The following OTOP1 variants were observed in gnomAD, a reference collection of about 807,000 sequenced individuals.
OTOP1 encodes otopetrin 1, also known as proton channel OTOP1.
Under a neutral mutation model 52.9 loss-of-function variants are expected in OTOP1, and 59 were observed. The ratio of observed to expected loss-of-function variants is 1.12; its 90% CI spans 0.91 to 1.39. The LOEUF (loss-of-function observed/expected upper bound fraction) is 1.39, where lower values mean the gene tolerates loss of function less well. OTOP1 is among the 40% of genes most tolerant of loss of function. The probability of loss-of-function intolerance (pLI) is 0.00; values close to 1 mark genes in which losing one functional copy is unlikely to be tolerated. For missense variants in OTOP1, 761 were observed against 800.9 expected, an observed-to-expected ratio of 0.95 and a Z score of 0.60; for synonymous variants, 317 against 337.7, an observed-to-expected ratio of 0.94 and a Z score of 0.67.
intron 4 of OTOP1, among the ~76,000 whole-genome samples, chr4:4,200,739 T>TTTTC (rs1716765128): frequency 1.3e-5 from 2 of 149,404 alleles, no homozygotes; most frequent in African/African-American, 2.5e-5. Flanking sequence ...TTTTTTTTTT[T>TTTTC]CAGAGCTGGG....
chr4:4,197,056 T>A, intron 5 of OTOP1, 110 bp downstream of exon 5: 1 of 1,188,410 alleles, frequency 8.4e-7, no homozygotes, highest in Non-Finnish European at 1.2e-6. Flanking sequence ...GCACCAAACC[T>A]CAGCAACACG....
chr4:4,193,726 T>C (rs1164884961), intron 5 of OTOP1, among the ~76,000 whole-genome samples: 1 of 152,202 alleles, frequency 6.6e-6, no homozygotes, highest in African/African-American at 2.4e-5. Flanking sequence ...GACTGGGCCC[T>C]GGGTCTGGCT....
At chr4:4,201,171 G>T (rs1447767626) in intron 4 of OTOP1, among the ~76,000 whole-genome samples, 1 of 152,158 alleles carries the variant, frequency 6.6e-6, no homozygotes, top group Admixed American at 6.6e-5. Context: ...GCTCATGCCT[G>T]TAATCCCAAC....
chr4:4,220,715 T>C (rs1283879558), intron 1 of OTOP1, among the ~76,000 whole-genome samples: 3 of 152,176 alleles, frequency 2.0e-5, no homozygotes, highest in Admixed American at 2.0e-4. Context: ...TTAGAACCAA[T>C]TAGAAAGTTT....
chr4:4,192,544 G>GA (rs1716535465), intron 5 of OTOP1, among the ~76,000 whole-genome samples: 1 of 152,168 alleles, frequency 6.6e-6, no homozygotes, highest in Non-Finnish European at 1.5e-5. Flanking sequence ...CATCCATTTG[G>GA]ATGCCACAGA....
At chr4:4,207,233 A>G (rs1716924599) in intron 2 of OTOP1, among the ~76,000 whole-genome samples, 1 of 152,232 alleles carries the variant, frequency 6.6e-6, no homozygotes, top group African/African-American at 2.4e-5. Context: ...TAAAGCATTC[A>G]GCCCAATAAT....
rs1199253150 is a variant in OTOP1 at position 4,219,422 on chromosome 4, C to CCGGGCG, written c.404-6424_404-6419dup. On this transcript the variant is annotated intron_variant, in intron 1 of 5. Coordinates refer to ENST00000296358, the MANE Select transcript of OTOP1 (RefSeq NM_177998.3). ...GCTACATATGATAAAAGACAGATTG[C>CCGGGCG]CGGGCGCGGTGGCTCACGCCTGTAA... is the stretch of plus-strand genomic sequence containing the variant. 3.9e-5 allele frequency among the ~76,000 whole-genome samples: 6 copies of CCGGGCG among 152,228 alleles called. No homozygotes were observed. The East Asian group carries it at 9.7e-4, about 24-fold the overall frequency.
rs562491543 is a variant in OTOP1, at chr4:4,210,725, G to A, written c.540+2143C>T. On this transcript the variant is annotated intron_variant, in intron 2 of 5. Transcript: ENST00000296358. Reference sequence around the variant, plus strand: ...AGGTGTCTGTCATCGGAGCTACTTGGGAGACTGAGGCAGGAGAATTGCTTC... The same window carrying A: ...AGGTGTCTGTCATCGGAGCTACTTGAGAGACTGAGGCAGGAGAATTGCTTC... Among the ~76,000 whole-genome samples, 9 of 152,246 alleles carry A rather than the reference G, an allele frequency of 5.9e-5. No individual in the cohort carries two copies. The South Asian group carries it at 1.9e-3, about 32-fold the overall frequency.
intron 5 of OTOP1, among the ~76,000 whole-genome samples, chr4:4,196,539 A>G (rs1271561560): frequency 1.3e-5 from 2 of 152,266 alleles, no homozygotes; most frequent in Middle Eastern, 3.4e-3. Context: ...CCTAGGCAAC[A>G]AGAGTGAAAC....
intron 3 of OTOP1, 62 bp from the exon 4 acceptor site, chr4:4,202,640 G>A: frequency 1.3e-6 from 2 of 1,591,602 alleles, no homozygotes; most frequent in Non-Finnish European, 1.7e-6. Context: ...ACCATGGGGT[G>A]AGACAGACGT....
intron 3 of OTOP1, among the ~76,000 whole-genome samples, chr4:4,203,444 T>TGCAGAGTC (rs1716833307): frequency 6.6e-6 from 1 of 152,208 alleles, no homozygotes; most frequent in Non-Finnish European, 1.5e-5. Context: ...CATGGGGGTT[T>TGCAGAGTC]GCAGAGTCGG....
intron 4 of OTOP1, among the ~76,000 whole-genome samples, chr4:4,200,777 C>G (rs1716766095): frequency 7.0e-6 from 1 of 143,532 alleles, no homozygotes; most frequent in African/African-American, 2.6e-5. Flanking sequence ...AGGCTGGTCT[C>G]AAATTCCTAG....
chr4:4,204,060 C>T lies in OTOP1; in HGVS notation c.600-1482G>A, dbSNP rs181968984. Among the ~76,000 whole-genome samples, 302 of 152,286 alleles carry T rather than the reference C, an allele frequency of 2.0e-3. 1 individual carries two copies. Among genetic ancestry groups the T allele is most frequent in the African/African-American group, 6.7e-3 (278 of 41,548 alleles). On this transcript the variant is annotated intron_variant, in intron 3 of 5. Transcript: ENST00000296358. ...AGAACCCTCGTCCATGATCTGCCCA[C>T]GGGGAAAATGGTGCAACCGCATCCT...
chr4:4,221,283 C>T (rs1201933311), intron 1 of OTOP1, among the ~76,000 whole-genome samples: 4 of 151,794 alleles, frequency 2.6e-5, no homozygotes, highest in Admixed American at 6.6e-5. Flanking sequence ...ATGAGCCAGG[C>T]GTAGTAGCAC....
At chr4:4,200,239 T>TA (rs1271567268) in intron 4 of OTOP1, among the ~76,000 whole-genome samples, 1 of 152,202 alleles carries the variant, frequency 6.6e-6, no homozygotes, top group Non-Finnish European at 1.5e-5. Context: ...CTCACGCCTG[T>TA]AATCCCAGCA....
chr4:4,224,298 GA>G (rs1717373678), intron 1 of OTOP1, among the ~76,000 whole-genome samples: 1 of 149,998 alleles, frequency 6.7e-6, no homozygotes, highest in African/African-American at 2.5e-5. Context: ...AGTGAGCCGA[GA>G]TCGCACCATT....
intron 5 of OTOP1, among the ~76,000 whole-genome samples, chr4:4,196,287 C>T (rs555699688): frequency 6.6e-6 from 1 of 152,182 alleles, no homozygotes; most frequent in South Asian, 2.1e-4. Context: ...CGTGGGAGCT[C>T]ACACCTGTAA....
At chr4:4,205,052 G>A (rs1275970753) in intron 3 of OTOP1, among the ~76,000 whole-genome samples, 8 of 152,266 alleles carry the variant, frequency 5.3e-5, no homozygotes, top group South Asian at 2.1e-4. Flanking sequence ...GATTACAGGC[G>A]TGAGCCACCG....
chr4:4,209,489 A>G (rs1233047114), intron 2 of OTOP1, among the ~76,000 whole-genome samples: 2 of 152,160 alleles, frequency 1.3e-5, no homozygotes, highest in Non-Finnish European at 2.9e-5. Flanking sequence ...TAAGAGGGAT[A>G]TTTTGAAAAT....
Sources: gnomAD v4.1 joint callset for allele counts (sites outside exome capture counted in the v4.1 genomes callset) on GRCh38, gnomAD v4.1.1 for gene constraint, MANE v1.5 for transcripts, NCBI Gene and HGNC (gene_info 2026-07-23, HGNC 2026-07-21) for gene names.